RALGAPA1: variants seen among roughly 807,000 people sequenced by gnomAD.
RALGAPA1 encodes the protein ral GTPase-activating protein subunit alpha-1.
Under a neutral mutation model 269.6 loss-of-function variants are expected in RALGAPA1, and 52 were observed. The ratio of observed to expected loss-of-function variants is 0.19; its 90% confidence interval spans 0.15 to 0.24. The LOEUF (loss-of-function observed/expected upper bound fraction) is 0.24. RALGAPA1 is among the 10% of genes least tolerant of loss of function. The pLI is 1.00. For synonymous variants in RALGAPA1, 817 were observed against 1,008.3 expected (o/e 0.81, Z 3.60); for missense variants, 1,917 against 3,013.9 (o/e 0.64, Z 8.52).
intron 1 of RALGAPA1, among the ~76,000 whole-genome samples, chr14:35,801,389 C>A (rs2076970099): frequency 6.6e-6 from 1 of 152,060 alleles, no homozygotes; most frequent in Non-Finnish European, 1.5e-5. Flanking sequence ...CTGCCTCAGC[C>A]TCCCTAGTAG....
chr14:35,682,699 T>A (rs2065558603), intron 21 of RALGAPA1, among the ~76,000 whole-genome samples: 1 of 152,210 alleles, frequency 6.6e-6, no homozygotes, highest in Non-Finnish European at 1.5e-5. Flanking sequence ...ATGTTAAGTA[T>A]CTTTTCATTT....
rs1305511508 is a variant in RALGAPA1, at chr14:35,678,937, A to ATTAT, written c.4472-836_4472-835insATAA. Among the ~76,000 whole-genome samples, 950 of 152,232 alleles carry ATTAT rather than the reference A, an allele frequency of 6.2e-3. 15 individuals are homozygous for ATTAT. The highest frequency in any genetic ancestry group is 0.022 in the African/African-American group (900 of 41,538). The stretch of plus-strand genomic sequence containing the variant: ...GAGTCTCTGCTAGATGCTCTCACTG[A>ATTAT]ACCCTGCACCTCTCTATTATACCAC... On this transcript the variant is annotated intron_variant, in intron 21 of 41. Coordinates refer to ENST00000680220, the MANE Select transcript of RALGAPA1 (RefSeq NM_001346249.2).
At chr14:35,572,190 C>T (rs1255742499) in intron 38 of RALGAPA1, among the ~76,000 whole-genome samples, 1 of 151,984 alleles carries the variant, frequency 6.6e-6, no homozygotes, top group East Asian at 1.9e-4. Flanking sequence ...GATATATCAA[C>T]TAAAAATATA....
intron 17 of RALGAPA1, among the ~76,000 whole-genome samples, chr14:35,698,269 T>C (rs953423749): frequency 1.3e-5 from 2 of 152,206 alleles, no homozygotes; most frequent in African/African-American, 2.4e-5. Flanking sequence ...ATTATGTATT[T>C]ACAGCAAAGC....
chr14:35,571,004 A>C (rs1201931086), intron 38 of RALGAPA1, among the ~76,000 whole-genome samples: 1 of 152,246 alleles, frequency 6.6e-6, no homozygotes, highest in East Asian at 1.9e-4. Flanking sequence ...ACACTTAGCC[A>C]ATTTCCAAAT....
At chr14:35,659,259 A>G (rs1320880725) in intron 27 of RALGAPA1, 63 bp from the exon 28 acceptor site, 50 of 1,247,452 alleles carry the variant, frequency 4.0e-5, no homozygotes, top group Admixed American at 1.1e-4. Flanking sequence ...TTCTACAAAT[A>G]TTTATTAAGT....
chr14:35,774,407 G>A (rs1291601441), intron 3 of RALGAPA1, among the ~76,000 whole-genome samples: 1 of 151,682 alleles, frequency 6.6e-6, no homozygotes, highest in Non-Finnish European at 1.5e-5. Flanking sequence ...ATTTTAAAAG[G>A]GGAGTAAAAG....
chr14:35,776,859 T>TAA (rs1396041958), intron 1 of RALGAPA1, among the ~76,000 whole-genome samples: 5 of 151,802 alleles, frequency 3.3e-5, no homozygotes, highest in African/African-American at 1.2e-4. Flanking sequence ...CCCTAGAACT[T>TAA]AGAGTATAAT....
intron 19 of RALGAPA1, 124 bp from the exon 20 acceptor site, chr14:35,685,269 G>T: frequency 1.2e-6 from 1 of 825,710 alleles, no homozygotes. Flanking sequence ...TAGGAGTGGA[G>T]AACACACTCA....
intron 35 of RALGAPA1, among the ~76,000 whole-genome samples, chr14:35,619,208 A>C (rs1470291114): frequency 1.3e-5 from 2 of 152,164 alleles, no homozygotes; most frequent in Non-Finnish European, 2.9e-5. Context: ...AGAAGGAGCA[A>C]GATTACATGA....
At chr14:35,588,863 A>T (rs947528136) in intron 37 of RALGAPA1, among the ~76,000 whole-genome samples, 1 of 152,246 alleles carries the variant, frequency 6.6e-6, no homozygotes, top group Non-Finnish European at 1.5e-5. Flanking sequence ...CTAAGAGTCC[A>T]TCAATTGATG....
intron 35 of RALGAPA1, among the ~76,000 whole-genome samples, chr14:35,612,140 G>C (rs2059971594): frequency 6.6e-6 from 1 of 152,136 alleles, no homozygotes; most frequent in African/African-American, 2.4e-5. Context: ...TTGGGAGGCT[G>C]TTAGGAAGAC....
intron 1 of RALGAPA1, among the ~76,000 whole-genome samples, chr14:35,791,337 T>C (rs141431982): frequency 6.6e-6 from 1 of 152,192 alleles, no homozygotes; most frequent in African/African-American, 2.4e-5. Flanking sequence ...GTATTTACAT[T>C]AAAAAGGTAT....
At chr14:35,739,776 T>C (rs2071382153) in intron 11 of RALGAPA1, among the ~76,000 whole-genome samples, 1 of 152,182 alleles carries the variant, frequency 6.6e-6, no homozygotes, top group Admixed American at 6.5e-5. Flanking sequence ...ACTTTGCTAA[T>C]CCTTCCTAAC....
chr14:35,693,227 C>CA (rs2066635405), intron 17 of RALGAPA1, among the ~76,000 whole-genome samples: 1 of 150,378 alleles, frequency 6.6e-6, no homozygotes, highest in Non-Finnish European at 1.5e-5. Context: ...TCAATATAAA[C>CA]AAAAAAGAAT....
At chr14:35,691,034 A>T (rs2066434725) in intron 17 of RALGAPA1, among the ~76,000 whole-genome samples, 1 of 151,694 alleles carries the variant, frequency 6.6e-6, no homozygotes, top group South Asian at 2.1e-4. Context: ...ATGCCACTGC[A>T]CTCCAGCCTG....
intron 31 of RALGAPA1, among the ~76,000 whole-genome samples, chr14:35,650,214 C>A (rs1216715364): frequency 2.6e-5 from 4 of 151,718 alleles, no homozygotes. Flanking sequence ...GCCCCCGACA[C>A]ATCTCTACTA....
chr14:35,795,603 C>T (rs1198266038), intron 1 of RALGAPA1, among the ~76,000 whole-genome samples: 3 of 151,912 alleles, frequency 2.0e-5, no homozygotes, highest in Non-Finnish European at 2.9e-5. Flanking sequence ...TGGACCCACC[C>T]AACAAATCAT....
At chr14:35,610,365 C>T (rs1293708231) in intron 35 of RALGAPA1, among the ~76,000 whole-genome samples, 1 of 151,432 alleles carries the variant, frequency 6.6e-6, no homozygotes, top group African/African-American at 2.4e-5. Flanking sequence ...TCACTGCAAG[C>T]TCCGCCTCCC....
Sources: gnomAD v4.1 joint callset for allele counts (sites outside exome capture counted in the v4.1 genomes callset) on GRCh38, gnomAD v4.1.1 for gene constraint, MANE v1.5 for transcripts, NCBI Gene and HGNC (gene_info 2026-07-23, HGNC 2026-07-21) for gene names.